Variants in MALRD1 observed in about 807,000 individuals in gnomAD.
MALRD1 encodes MAM and LDL-receptor class A domain-containing protein 1.
In MALRD1, 247 loss-of-function variants were observed where a neutral mutation model predicts 242.1. The ratio of observed to expected loss-of-function variants is 1.02; its 90% confidence interval spans 0.92 to 1.13. MALRD1 has a LOEUF of 1.13. MALRD1 is among the 50% of genes most tolerant of loss of function. The pLI is 0.00. For missense variants in MALRD1, 2,989 were observed against 2,533.1 expected (o/e 1.18, Z -3.86); for synonymous variants, 995 against 866.6 (o/e 1.15, Z -2.60).
chr10:19,162,030 G>GAAC (rs200339497), intron 12 of MALRD1, among the ~76,000 whole-genome samples: 26,821 of 146,636 alleles, frequency 0.18, 2,692 homozygotes, highest in Admixed American at 0.26. Flanking sequence ...TCTGTCTCAA[G>GAAC]AACAACAACA....
chr10:19,559,733 T>C (rs532071694), intron 32 of MALRD1, among the ~76,000 whole-genome samples: 46 of 152,248 alleles, frequency 3.0e-4, no homozygotes, highest in Admixed American at 1.2e-3. Flanking sequence ...TTTTGCAATC[T>C]ATCCATCTGA....
At chr10:19,472,959 C>T (rs187451150) in intron 29 of MALRD1, among the ~76,000 whole-genome samples, 58 of 151,006 alleles carry the variant, frequency 3.8e-4, no homozygotes, top group African/African-American at 1.3e-3. Flanking sequence ...TCATATCCTT[C>T]GCATATATTT....
At chr10:19,479,038 A>C (rs1256615514) in intron 29 of MALRD1, among the ~76,000 whole-genome samples, 1 of 152,224 alleles carries the variant, frequency 6.6e-6, no homozygotes, top group Non-Finnish European at 1.5e-5. Context: ...TTCTCACTGC[A>C]ATGGTGAAGC....
intron 29 of MALRD1, among the ~76,000 whole-genome samples, chr10:19,459,971 T>A (rs546287468): frequency 6.6e-6 from 1 of 152,176 alleles, no homozygotes; most frequent in Non-Finnish European, 1.5e-5. Context: ...GTTAACATTA[T>A]CCTCAGTTCA....
intron 28 of MALRD1, among the ~76,000 whole-genome samples, chr10:19,436,681 C>G (rs1021091602): frequency 6.6e-6 from 1 of 152,112 alleles, no homozygotes; most frequent in Non-Finnish European, 1.5e-5. Context: ...ACTCATCCGT[C>G]TATGAGGTTT....
At chr10:19,354,241 G>A (rs539541067) in intron 26 of MALRD1, among the ~76,000 whole-genome samples, 1 of 151,990 alleles carries the variant, frequency 6.6e-6, no homozygotes, top group African/African-American at 2.4e-5. Context: ...ACAAATTAAG[G>A]GCACAGATGA....
chr10:19,492,091 A>G (rs1439267420), intron 30 of MALRD1, among the ~76,000 whole-genome samples: 3 of 151,930 alleles, frequency 2.0e-5, no homozygotes, highest in African/African-American at 2.4e-5. Flanking sequence ...AATTTTATCA[A>G]TTACATTGCA....
chr10:19,158,903 GA>G (rs1242134181), intron 12 of MALRD1, among the ~76,000 whole-genome samples: 5 of 152,082 alleles, frequency 3.3e-5, no homozygotes, highest in African/African-American at 9.7e-5. Context: ...GAACAATTTA[GA>G]AAAAAAGTAA....
chr10:19,704,201 T>C (rs1390243669), intron 38 of MALRD1, among the ~76,000 whole-genome samples: 1 of 152,210 alleles, frequency 6.6e-6, no homozygotes, highest in African/African-American at 2.4e-5. Flanking sequence ...GATCTGGAAG[T>C]ATTCTAAGTA....
At chr10:19,068,170 TA>T (rs1328780002) in intron 2 of MALRD1, among the ~76,000 whole-genome samples, 4 of 152,066 alleles carry the variant, frequency 2.6e-5, no homozygotes, top group African/African-American at 9.7e-5. Flanking sequence ...AGCACATATT[TA>T]TTTACTGTAG....
chr10:19,283,361 T>C (rs1840917580), intron 21 of MALRD1, among the ~76,000 whole-genome samples, 180 bp downstream of exon 21: 1 of 152,144 alleles, frequency 6.6e-6, no homozygotes, highest in African/African-American at 2.4e-5. Context: ...AAGCAATGAA[T>C]GCTCTTGTGA....
At chr10:19,158,906 A>T (rs1018697914) in intron 12 of MALRD1, among the ~76,000 whole-genome samples, 8 of 152,330 alleles carry the variant, frequency 5.3e-5, no homozygotes, top group Admixed American at 2.0e-4. Context: ...CAATTTAGAA[A>T]AAAAGTAATT....
intron 35 of MALRD1, among the ~76,000 whole-genome samples, chr10:19,609,888 T>C (rs1276857187): frequency 6.6e-6 from 1 of 151,856 alleles, no homozygotes; most frequent in Non-Finnish European, 1.5e-5. Context: ...TCACTAAAAA[T>C]GTAAAATTGT....
chr10:19,720,420 A>T (rs1175425157), intron 38 of MALRD1, among the ~76,000 whole-genome samples: 3 of 152,216 alleles, frequency 2.0e-5, no homozygotes, highest in Non-Finnish European at 2.9e-5. Flanking sequence ...GGATCCACAA[A>T]ATAAATGCTT....
chr10:19,524,905 T>C (rs1169662870), intron 31 of MALRD1, among the ~76,000 whole-genome samples: 1 of 144,600 alleles, frequency 6.9e-6, no homozygotes, highest in Non-Finnish European at 1.6e-5. Flanking sequence ...TTTATTACTA[T>C]TATTATTATT....
chr10:19,723,357 C>G (rs1834861032), intron 38 of MALRD1, among the ~76,000 whole-genome samples: 1 of 152,080 alleles, frequency 6.6e-6, no homozygotes, highest in Admixed American at 6.5e-5. Flanking sequence ...TTTTATAACA[C>G]AATCCACCAA....
intron 18 of MALRD1, among the ~76,000 whole-genome samples, chr10:19,215,508 A>ACTACTGATTTCTTTGGTGCATTGTCC (rs1837269258): frequency 1.3e-5 from 2 of 152,190 alleles, no homozygotes; most frequent in Non-Finnish European, 2.9e-5. Context: ...CCACTTGTGA[A>ACTACTGATTTCTTTGGTGCATTGTCC]CTACTGATTT....
intron 4 of MALRD1, among the ~76,000 whole-genome samples, chr10:19,088,570 T>TG (rs1189292854): frequency 2.2e-5 from 2 of 88,952 alleles, no homozygotes; most frequent in African/African-American, 1.1e-4. Context: ...AAAGTTTTTT[T>TG]TTATTTATTT....
chr10:19,307,226 A>T (rs187505010), intron 21 of MALRD1, among the ~76,000 whole-genome samples: 2 of 148,248 alleles, frequency 1.3e-5, no homozygotes, highest in East Asian at 4.0e-4. Flanking sequence ...CTACAGAAAC[A>T]TCAAACTCTC....
Sources: gnomAD v4.1 joint callset for allele counts (sites outside exome capture counted in the v4.1 genomes callset) on GRCh38, gnomAD v4.1.1 for gene constraint, MANE v1.5 for transcripts, NCBI Gene and HGNC (gene_info 2026-07-23, HGNC 2026-07-21) for gene names.